Variants in FRMD4B observed in about 807,000 individuals in gnomAD.
FRMD4B encodes FERM domain-containing protein 4B.
A neutral mutation model predicts 141.5 loss-of-function variants in FRMD4B; 74 were observed. The ratio of observed to expected loss-of-function variants is 0.52; its 90% CI spans 0.43 to 0.63. FRMD4B has a LOEUF of 0.63. Among genes scored for constraint, FRMD4B ranks in the 30% least tolerant of loss-of-function variants. The pLI is 0.00. For synonymous variants in FRMD4B, 506 were observed against 467.9 expected, an observed-to-expected ratio of 1.08 and a Z score of -1.05; for missense variants, 1,366 against 1,253.4, an observed-to-expected ratio of 1.09 and a Z score of -1.36.
intron 5 of FRMD4B, among the ~76,000 whole-genome samples, chr3:69,268,271 C>A (rs902106184): frequency 6.6e-6 from 1 of 151,956 alleles, no homozygotes; most frequent in Admixed American, 6.6e-5. Context: ...GTGTGGCGAT[C>A]TATGGCTAAA....
intron 1 of FRMD4B, among the ~76,000 whole-genome samples, chr3:69,322,772 A>AT (rs1247548592): frequency 6.6e-6 from 1 of 151,172 alleles, no homozygotes. Flanking sequence ...AACTTTTTCT[A>AT]TTTTTTTGTA....
In FRMD4B at chr3:69,250,032, TC is replaced by T; in HGVS notation, c.558+10del. 1.3e-6 allele frequency: 2 copies of T among 1,586,926 alleles called. No homozygotes were observed. Among genetic ancestry groups the T allele is most frequent in the Non-Finnish European group, 1.7e-6 (2 of 1,155,216 alleles). ...AAGGGAGCTGCTAAGAGGCAGTTTG[TC>T]CAATCTTACCTGTAAAATAAACGCT... On this transcript the variant is annotated intron_variant, in intron 6 of 22. Transcript: ENST00000398540.
chr3:69,220,321 A>T (rs958241130), intron 9 of FRMD4B, among the ~76,000 whole-genome samples: 1 of 152,220 alleles, frequency 6.6e-6, no homozygotes, highest in African/African-American at 2.4e-5. Flanking sequence ...CATAGAAAAG[A>T]TACAGTAACA....
rs746695699 is a variant in FRMD4B, at chr3:69,214,441, C to A, written c.876+1822G>T. Reference sequence around the variant, plus strand: ...AGAGTGGCAAAACCAACCAGGGCAGCATGAGTCAGTCTTGATGTCACTGTC... The same window carrying A: ...AGAGTGGCAAAACCAACCAGGGCAGAATGAGTCAGTCTTGATGTCACTGTC... On this transcript the variant is annotated intron_variant, in intron 11 of 22. Transcript: ENST00000398540. 3.0e-4 allele frequency among the ~76,000 whole-genome samples: 45 copies of A among 152,242 alleles called. 1 individual carries two copies. In the Middle Eastern group the frequency reaches 0.01, roughly 35 times the overall value.
At chr3:69,500,103 A>G (rs1282252770) in intron 1 of FRMD4B, among the ~76,000 whole-genome samples, 1 of 152,206 alleles carries the variant, frequency 6.6e-6, no homozygotes, top group Non-Finnish European at 1.5e-5. Flanking sequence ...CTACAGGCAG[A>G]GTAGGCCAAG....
chr3:69,210,605 T>C (rs576767717), intron 11 of FRMD4B, among the ~76,000 whole-genome samples: 5 of 152,254 alleles, frequency 3.3e-5, no homozygotes, highest in African/African-American at 1.2e-4. Context: ...TGAATGTTTG[T>C]GGTTTGTAAT....
chr3:69,465,593 A>C (rs1001613902), intron 1 of FRMD4B, among the ~76,000 whole-genome samples: 40 of 131,534 alleles, frequency 3.0e-4, no homozygotes, highest in African/African-American at 1.1e-3. Flanking sequence ...CCCTGTGTCC[A>C]TGTGTTCTCA....
intron 11 of FRMD4B, chr3:69,200,443 A>C: frequency 1.0e-6 from 1 of 995,392 alleles, no homozygotes; most frequent in South Asian, 4.4e-5. Flanking sequence ...ATGGGACAGA[A>C]ATGTGAGGAA....
At chr3:69,232,022 G>C (rs1432613406) in intron 7 of FRMD4B, among the ~76,000 whole-genome samples, 1 of 152,118 alleles carries the variant, frequency 6.6e-6, no homozygotes, top group Non-Finnish European at 1.5e-5. Flanking sequence ...CTCCCTGGCC[G>C]GCTGGGCAGG....
chr3:69,241,868 C>CA (rs555236685), intron 7 of FRMD4B, among the ~76,000 whole-genome samples: 202 of 142,604 alleles, frequency 1.4e-3, no homozygotes, highest in Non-Finnish European at 2.4e-3. Context: ...GGATCCATCT[C>CA]AAAAAAACAA....
chr3:69,496,913 T>C lies in FRMD4B; in HGVS notation c.-129+45293A>G, dbSNP rs548694223. On this transcript the variant is annotated intron_variant, in intron 1 of 5. Coordinates refer to the FRMD4B transcript ENST00000459638. Reference sequence around the variant, plus strand: ...GCTATGGTAGTTTTTTTTTTATTATTATCAATTGTTTGCTCTTCTCCCAAT... The same window carrying C: ...GCTATGGTAGTTTTTTTTTTATTATCATCAATTGTTTGCTCTTCTCCCAAT... 2.0e-5 allele frequency among the ~76,000 whole-genome samples: 3 copies of C among 152,168 alleles called. No individual in the cohort carries two copies. The East Asian group carries it at 5.8e-4, about 29-fold the overall frequency.
In FRMD4B at chr3:69,176,554, T is replaced by C. The variant is rs746463031; in HGVS notation, c.2954A>G (p.Asn985Ser). 4 of 1,612,444 alleles carry C rather than the reference T, an allele frequency of 2.5e-6. No individual in the cohort carries two copies. The Admixed American group carries it at 6.7e-5, about 27-fold the overall frequency. ...TGGAGAGGGTAAAGGATTATAGACA[T>C]TGCCATAGCAGCTGGTGTAAGAAGA... Reference protein sequence around the residue: ...AHSSYTSCYGNVYNPLPSPSR... With the variant: ...AHSSYTSCYGSVYNPLPSPSR... The change falls in exon 22 of 23, where the codon AAT (asparagine) becomes AGT (serine). Residue 985 changes from asparagine to serine, a missense_variant. Physicochemically the swap from Asn to Ser is conservative, Grantham distance 46. Transcript: ENST00000398540.
Position 69,181,355 on chromosome 3 carries a change from G to C in FRMD4B, c.2395C>G (p.Pro799Ala). The C allele has an allele frequency of 6.2e-7, 1 of 1,613,788 alleles. No homozygotes were observed. The highest frequency in any genetic ancestry group is 1.7e-5 in the Admixed American group (1 of 60,018). The change falls in exon 21 of 23, where the codon CCA becomes GCA. Residue 799 changes from proline (P) to alanine (A), a missense_variant. Coordinates refer to ENST00000398540, the MANE Select transcript of FRMD4B (RefSeq NM_015123.3). ...GCAATGTAGTAACTGGAAGACGGTG[G>C]CTCCTGACTCTTTGAGTAAACACCA... ...RNGVYSKSQE[P>A]PSSSYYIAGY...
chr3:69,540,656 TATATAC>T (rs1191614332), intron 1 of FRMD4B, among the ~76,000 whole-genome samples: 5 of 75,560 alleles, frequency 6.6e-5, no homozygotes, highest in Non-Finnish European at 8.7e-5. Flanking sequence ...TATATATATA[TATATAC>T]ACACACACAC....
At chr3:69,237,177 G>GGAGGAA (rs5849889) in intron 7 of FRMD4B, among the ~76,000 whole-genome samples, 127,502 of 151,402 alleles carry the variant, frequency 0.84, 53,893 homozygotes, top group East Asian at 0.92. Flanking sequence ...GAGCACAAGA[G>GGAGGAA]GAGGAAGAGG....
chr3:69,335,707 T>C (rs763957042), intron 1 of FRMD4B, among the ~76,000 whole-genome samples: 6 of 151,524 alleles, frequency 4.0e-5, no homozygotes, highest in Non-Finnish European at 8.8e-5. Context: ...ATATACTTTA[T>C]ATCTTATCTG....
chr3:69,193,940 AAT>A, intron 16 of FRMD4B, 67 bp from the exon 17 acceptor site: 1 of 963,974 alleles, frequency 1.0e-6, no homozygotes, highest in Non-Finnish European at 1.6e-6. Flanking sequence ...TGCATTGTGT[AAT>A]AAAACTTCCT....
intron 11 of FRMD4B, chr3:69,200,874 G>A (rs975047330): frequency 4.4e-6 from 2 of 459,598 alleles, no homozygotes; most frequent in Non-Finnish European, 8.7e-6. Context: ...TTTCCTTTGC[G>A]TCCATTCCCA....
At chr3:69,196,834 G>T (rs1362189151) in intron 13 of FRMD4B, 66 bp downstream of exon 13, 1 of 1,215,150 alleles carries the variant, frequency 8.2e-7, no homozygotes, top group Non-Finnish European at 1.2e-6. Flanking sequence ...TTTGTGAGAA[G>T]GCTTATCTTC....
Sources: allele counts gnomAD v4.1 joint callset (sites outside exome capture counted in the v4.1 genomes callset), GRCh38; gene constraint gnomAD v4.1.1; transcripts MANE v1.5; gene names NCBI Gene and HGNC (gene_info 2026-07-23, HGNC 2026-07-21).